The following INPP4B variants were observed in gnomAD, a reference collection of about 807,000 sequenced individuals.
INPP4B encodes inositol polyphosphate-4-phosphatase type II B.
A neutral mutation model predicts 122.5 loss-of-function variants in INPP4B; 55 were observed. The observed-to-expected ratio is 0.45, with a 90% confidence interval of 0.36 to 0.56. INPP4B has a LOEUF of 0.56. INPP4B is among the 20% of genes least tolerant of loss of function. The probability of loss-of-function intolerance (pLI) is 0.00; values close to 1 mark genes in which losing one functional copy is unlikely to be tolerated. For synonymous variants in INPP4B, 403 were observed against 388.7 expected, an observed-to-expected ratio of 1.04 and a Z score of -0.43; for missense variants, 1,000 against 1,097.7, an observed-to-expected ratio of 0.91 and a Z score of 1.26.
chr4:142,225,843 A>G (rs771152426), intron 12 of INPP4B, among the ~76,000 whole-genome samples: 10 of 152,118 alleles, frequency 6.6e-5, no homozygotes, highest in African/African-American at 9.7e-5. Flanking sequence ...TGTGCTCATG[A>G]TAGGTTTTCT....
intron 1 of INPP4B, among the ~76,000 whole-genome samples, chr4:142,794,796 TA>T (rs769190965): frequency 2.6e-5 from 4 of 151,622 alleles, no homozygotes; most frequent in South Asian, 4.2e-4. Flanking sequence ...AAAGGAGCAA[TA>T]AAAAAACCCC....
At chr4:142,585,997 C>G (rs892825475) in intron 2 of INPP4B, among the ~76,000 whole-genome samples, 1 of 151,864 alleles carries the variant, frequency 6.6e-6, no homozygotes, top group Non-Finnish European at 1.5e-5. Flanking sequence ...GGAGAAATAA[C>G]TAAACACTTT....
intron 7 of INPP4B, among the ~76,000 whole-genome samples, chr4:142,332,286 G>T (rs1446915294): frequency 2.0e-5 from 3 of 151,770 alleles, no homozygotes; most frequent in African/African-American, 7.3e-5. Context: ...CTTTATTCTT[G>T]GCTTTATTTT....
At chr4:142,136,513 C>T (rs895467024) in intron 18 of INPP4B, among the ~76,000 whole-genome samples, 9 of 152,220 alleles carry the variant, frequency 5.9e-5, no homozygotes, top group Non-Finnish European at 1.3e-4. Context: ...GAAGGCACCC[C>T]AGATGATGTG....
intron 15 of INPP4B, among the ~76,000 whole-genome samples, chr4:142,190,909 T>C (rs1212565278): frequency 6.6e-6 from 1 of 152,146 alleles, no homozygotes; most frequent in African/African-American, 2.4e-5. Context: ...GAGGGTTAGG[T>C]TCCATATTTC....
chr4:142,619,885 A>G (rs1042059305), intron 2 of INPP4B, among the ~76,000 whole-genome samples: 4 of 152,050 alleles, frequency 2.6e-5, no homozygotes, highest in Non-Finnish European at 5.9e-5. Context: ...AAGTAAGGAT[A>G]CTTTCTGAAA....
At chr4:142,152,380 T>A (rs1026177861) in intron 17 of INPP4B, among the ~76,000 whole-genome samples, 1 of 152,044 alleles carries the variant, frequency 6.6e-6, no homozygotes, top group African/African-American at 2.4e-5. Flanking sequence ...CGGCACTTTT[T>A]TTTCTTTTTA....
intron 7 of INPP4B, among the ~76,000 whole-genome samples, chr4:142,334,409 G>T (rs1334850120): frequency 6.6e-6 from 1 of 152,150 alleles, no homozygotes; most frequent in Non-Finnish European, 1.5e-5. Flanking sequence ...ATGCTGCAAT[G>T]AACATGGGCA....
rs554352276 is a variant in INPP4B, at chr4:142,837,768, T to C, written c.-254+8441A>G. Among the ~76,000 whole-genome samples, 7 of 152,196 alleles carry C rather than the reference T, an allele frequency of 4.6e-5. No individual in the cohort carries two copies. The South Asian group carries it at 1.5e-3, about 32-fold the overall frequency. ...CTGGAAAGCAATTTGGTAATATGTA[T>C]AAGGCACTTTTAAAAGGTTCATACC... is the stretch of plus-strand genomic sequence containing the variant. On this transcript the variant is annotated intron_variant, in intron 1 of 25. Coordinates refer to ENST00000262992, the MANE Select transcript of INPP4B (RefSeq NM_001101669.3).
At chr4:142,376,784 C>T (rs1025565005) in intron 7 of INPP4B, among the ~76,000 whole-genome samples, 5 of 152,026 alleles carry the variant, frequency 3.3e-5, no homozygotes, top group African/African-American at 1.2e-4. Context: ...ATCTGGCCCA[C>T]ATTTCAATCT....
intron 5 of INPP4B, chr4:142,426,377 TAAAC>T (rs1177769380): frequency 6.6e-6 from 1 of 152,012 alleles, no homozygotes; most frequent in Non-Finnish European, 1.5e-5. Context: ...TATTAAACCA[TAAAC>T]AAACTCAGTG....
intron 2 of INPP4B, among the ~76,000 whole-genome samples, chr4:142,712,409 A>G (rs564803377): frequency 2.6e-5 from 4 of 152,330 alleles, no homozygotes; most frequent in Admixed American, 1.3e-4. Flanking sequence ...AGATGCAGAT[A>G]CCTATACATG....
chr4:142,644,167 C>T (rs1328006500), intron 2 of INPP4B, among the ~76,000 whole-genome samples: 1 of 150,472 alleles, frequency 6.6e-6, no homozygotes, highest in East Asian at 2.0e-4. Context: ...CCACTGCACT[C>T]CAGCAGCATA....
chr4:142,213,297 C>T (rs999794106), intron 12 of INPP4B, among the ~76,000 whole-genome samples: 2 of 152,124 alleles, frequency 1.3e-5, no homozygotes, highest in South Asian at 2.1e-4. Context: ...TATCGTACCC[C>T]GGAGGAATGG....
intron 12 of INPP4B, among the ~76,000 whole-genome samples, chr4:142,222,872 AC>A (rs1427639537): frequency 6.6e-6 from 1 of 152,178 alleles, no homozygotes; most frequent in Non-Finnish European, 1.5e-5. Flanking sequence ...CTGAGACAGA[AC>A]CAACTTTCAG....
At chr4:142,754,033 C>A (rs1455646967) in intron 1 of INPP4B, among the ~76,000 whole-genome samples, 2 of 151,960 alleles carry the variant, frequency 1.3e-5, no homozygotes, top group Admixed American at 6.6e-5. Flanking sequence ...TGATTTCCAC[C>A]TTCAGCAACT....
chr4:142,077,778 A>G (rs1329093990), intron 25 of INPP4B, among the ~76,000 whole-genome samples: 1 of 151,834 alleles, frequency 6.6e-6, no homozygotes, highest in Non-Finnish European at 1.5e-5. Context: ...CAATACACAT[A>G]CATTTCAAAA....
At chr4:142,539,317 G>T (rs1312342690) in intron 2 of INPP4B, among the ~76,000 whole-genome samples, 1 of 151,910 alleles carries the variant, frequency 6.6e-6, no homozygotes, top group Non-Finnish European at 1.5e-5. Context: ...GAGGAATTTT[G>T]CTAGGAAGAA....
At chr4:142,343,114 A>G (rs368514892) in intron 7 of INPP4B, among the ~76,000 whole-genome samples, 11 of 152,170 alleles carry the variant, frequency 7.2e-5, no homozygotes, top group East Asian at 5.8e-4. Context: ...CAATTTCAGT[A>G]TAAGAATCAT....
Sources: allele counts gnomAD v4.1 joint callset (sites outside exome capture counted in the v4.1 genomes callset), GRCh38; gene constraint gnomAD v4.1.1; transcripts MANE v1.5; gene names NCBI Gene and HGNC (gene_info 2026-07-23, HGNC 2026-07-21).